The following BCAS1 variants were observed in gnomAD, a reference collection of about 807,000 sequenced individuals.
The protein encoded by BCAS1 is brain enriched myelin associated protein 1.
BCAS1 carries 46 observed loss-of-function variants against 65.4 expected under a neutral mutation model. That is an observed-to-expected ratio of 0.70 (90% confidence interval 0.55 to 0.90). The LOEUF (loss-of-function observed/expected upper bound fraction) is 0.90. Ranked by LOEUF, BCAS1 falls within the 40% of genes least tolerant of loss-of-function variation. The probability of loss-of-function intolerance (pLI) is 0.00; values close to 1 mark genes in which losing one functional copy is unlikely to be tolerated. For missense variants in BCAS1, 793 were observed against 771.2 expected, an observed-to-expected ratio of 1.03 and a Z score of -0.33; for synonymous variants, 298 against 293.5, an observed-to-expected ratio of 1.02 and a Z score of -0.16.
intron 3 of BCAS1, among the ~76,000 whole-genome samples, chr20:54,047,137 C>T (rs2092123907): frequency 6.6e-6 from 1 of 152,206 alleles, no homozygotes; most frequent in African/African-American, 2.4e-5. Flanking sequence ...TCTCTTGCCT[C>T]ATGGCTTCTT....
intron 3 of BCAS1, among the ~76,000 whole-genome samples, chr20:54,048,766 G>A (rs1343807632): frequency 1.3e-5 from 2 of 152,210 alleles, no homozygotes; most frequent in African/African-American, 4.8e-5. Context: ...GCAGAGTCTG[G>A]GAACTTGCCC....
intron 3 of BCAS1, among the ~76,000 whole-genome samples, chr20:54,032,684 G>A (rs1036450730): frequency 7.9e-5 from 12 of 151,046 alleles, no homozygotes; most frequent in African/African-American, 1.7e-4. Context: ...CCTAGTTGCC[G>A]TCAAAACAGA....
chr20:53,964,226 G>C (rs1456321668), intron 10 of BCAS1, among the ~76,000 whole-genome samples: 1 of 152,190 alleles, frequency 6.6e-6, no homozygotes, highest in Non-Finnish European at 1.5e-5. Context: ...TTCTCTATCA[G>C]GGATTGCAAA....
Position 53,985,409 on chromosome 20 carries a change from AAT to A in BCAS1, c.1151_1152del (p.Asn384IlefsTer17), listed in dbSNP as rs1359823641. Reference sequence around the variant, plus strand: ...TGCCCCGATGGGTTGCATCCTTTGGAATTCTTGCCAGCCCCTTGGGTCTCCTG... The same window carrying A: ...TGCCCCGATGGGTTGCATCCTTTGGATCTTGCCAGCCCCTTGGGTCTCCTG... ...TSQETQGAGKNSKGCNPSGHT... is the reference protein window; with the variant it reads ...TSQETQGAGKXSKGCNPSGHT... On this transcript the variant is annotated frameshift_variant, in exon 8 of 13. Transcript: ENST00000688948. LOFTEE classifies it high-confidence loss of function. 7 of 1,613,782 alleles carry A rather than the reference AAT, an allele frequency of 4.3e-6. No individual in the cohort carries two copies. The African/African-American group carries it at 8.0e-5, about 18-fold the overall frequency.
At chr20:54,027,690 G>A (rs1489542402) in intron 4 of BCAS1, among the ~76,000 whole-genome samples, 1 of 151,862 alleles carries the variant, frequency 6.6e-6, no homozygotes, top group African/African-American at 2.4e-5. Context: ...AAGGTTAAAA[G>A]CAAATGCTCT....
chr20:54,024,163 G>C (rs963634232), intron 4 of BCAS1, among the ~76,000 whole-genome samples: 5 of 152,186 alleles, frequency 3.3e-5, no homozygotes, highest in Non-Finnish European at 5.9e-5. Context: ...AGATCACACA[G>C]CCAGTAGGTG....
chr20:53,982,359 G>A (rs1426196256), intron 8 of BCAS1, among the ~76,000 whole-genome samples: 4 of 152,142 alleles, frequency 2.6e-5, no homozygotes, highest in African/African-American at 9.7e-5. Context: ...TTTTTGGAAA[G>A]TACAACATAA....
chr20:54,067,438 T>G (rs1219565419), intron 1 of BCAS1, among the ~76,000 whole-genome samples: 2 of 152,340 alleles, frequency 1.3e-5, no homozygotes, highest in East Asian at 3.9e-4. Context: ...TGATAATCAC[T>G]GTAAGGATTT....
At chr20:54,061,193 C>T (rs568779084) in intron 1 of BCAS1, among the ~76,000 whole-genome samples, 3 of 152,114 alleles carry the variant, frequency 2.0e-5, no homozygotes, top group Non-Finnish European at 4.4e-5. Context: ...TTCCAAAGGT[C>T]ACCCAGTTAA....
chr20:53,961,724 G>A (rs763650126), intron 10 of BCAS1, among the ~76,000 whole-genome samples: 2 of 152,186 alleles, frequency 1.3e-5, no homozygotes, highest in Non-Finnish European at 2.9e-5. Context: ...CAGAAGCACA[G>A]GAAGCAGCAA....
At chr20:54,024,341 C>T (rs949960717) in intron 4 of BCAS1, among the ~76,000 whole-genome samples, 10 of 152,282 alleles carry the variant, frequency 6.6e-5, no homozygotes, top group African/African-American at 1.9e-4. Context: ...TGGAAAACCC[C>T]GTGAATTAAA....
chr20:53,972,970 G>C lies in BCAS1; in HGVS notation c.1317+2419C>G, dbSNP rs1167964413. Among the ~76,000 whole-genome samples the C allele has an allele frequency of 2.0e-5, 3 of 152,362 alleles. No homozygotes were observed. In the East Asian group the frequency reaches 5.8e-4, roughly 29 times the overall value. On this transcript the variant is annotated intron_variant, in intron 9 of 12. Transcript: ENST00000688948. The stretch of plus-strand genomic sequence containing the variant: ...ATGCTGGGAGTGGTGGCTCACGCCT[G>C]TAATCCCAGCACTTTGAGAGGCCAA...
intron 11 of BCAS1, among the ~76,000 whole-genome samples, chr20:53,954,360 C>T (rs905021090): frequency 1.4e-5 from 2 of 148,002 alleles, no homozygotes; most frequent in African/African-American, 2.5e-5. Context: ...TGGTATCATG[C>T]GTGCCTCCTA....
At chr20:54,002,351 A>G (rs2091077492) in intron 4 of BCAS1, among the ~76,000 whole-genome samples, 1 of 152,188 alleles carries the variant, frequency 6.6e-6, no homozygotes, top group Non-Finnish European at 1.5e-5. Context: ...GTTGCCTGAT[A>G]TCTTAAAACA....
chr20:54,033,816 C>T (rs971664187), intron 3 of BCAS1, among the ~76,000 whole-genome samples: 2 of 151,176 alleles, frequency 1.3e-5, no homozygotes, highest in Admixed American at 6.6e-5. Context: ...CAGCATCATC[C>T]TGATATCAAA....
intron 4 of BCAS1, among the ~76,000 whole-genome samples, chr20:54,014,763 C>T (rs920040471): frequency 1.3e-5 from 2 of 152,194 alleles, no homozygotes; most frequent in Non-Finnish European, 2.9e-5. Context: ...TCTGCTTCCT[C>T]TCCCCAGAGA....
At chr20:54,051,883 C>T (rs748041948) in intron 3 of BCAS1, among the ~76,000 whole-genome samples, 3 of 152,024 alleles carry the variant, frequency 2.0e-5, no homozygotes, top group Non-Finnish European at 4.4e-5. Context: ...GGATTACAGA[C>T]GTGTGTCACC....
chr20:54,024,351 A>T (rs756215915), intron 4 of BCAS1, among the ~76,000 whole-genome samples: 70 of 152,188 alleles, frequency 4.6e-4, no homozygotes, highest in Admixed American at 4.6e-4. Context: ...CGTGAATTAA[A>T]CTGGTGGGCA....
rs1257667024 is a variant in BCAS1 at position 54,042,623 on chromosome 20, G to A, written c.143-13651C>T. 2.6e-5 allele frequency among the ~76,000 whole-genome samples: 4 copies of A among 152,220 alleles called. No individual in the cohort carries two copies. In the East Asian group the frequency reaches 5.8e-4, roughly 22 times the overall value. ...AAACTGTAAAGTATTTACTTCTAAG[G>A]AAGGAAATTTGGGATGGGGCTTGGG... On this transcript the variant is annotated intron_variant, in intron 3 of 12. Coordinates refer to ENST00000688948, the MANE Select transcript of BCAS1 (RefSeq NM_001366298.2).
Sources: gnomAD v4.1 joint callset for allele counts (sites outside exome capture counted in the v4.1 genomes callset) on GRCh38, gnomAD v4.1.1 for gene constraint, MANE v1.5 for transcripts, NCBI Gene and HGNC (gene_info 2026-07-23, HGNC 2026-07-21) for gene names.